SDK1: variants seen among roughly 807,000 people sequenced by gnomAD.
The protein encoded by SDK1 is protein sidekick-1.
A neutral mutation model predicts 245.5 loss-of-function variants in SDK1; 157 were observed. The observed-to-expected ratio is 0.64, with a 90% CI of 0.56 to 0.73. The LOEUF (loss-of-function observed/expected upper bound fraction) is 0.73. Among genes scored for constraint, SDK1 ranks in the 30% least tolerant of loss-of-function variants. The pLI, the probability that SDK1 is intolerant of heterozygous loss-of-function variation, is 0.00. For synonymous variants in SDK1, 1,647 were observed against 1,278.5 expected (o/e 1.29, Z -6.15); for missense variants, 3,583 against 3,002.3 (o/e 1.19, Z -4.52).
chr7:4,081,295 C>G (rs1247127933), intron 22 of SDK1, among the ~76,000 whole-genome samples: 1 of 152,230 alleles, frequency 6.6e-6, no homozygotes, highest in Non-Finnish European at 1.5e-5. Flanking sequence ...CCCTGTGTCA[C>G]TGCAGGAGAG....
chr7:4,124,118 C>T (rs746808102), intron 25 of SDK1, among the ~76,000 whole-genome samples: 4 of 152,240 alleles, frequency 2.6e-5, no homozygotes, highest in Non-Finnish European at 4.4e-5. Flanking sequence ...TCTAGGGAAA[C>T]ACCTGTTTGT....
intron 22 of SDK1, among the ~76,000 whole-genome samples, chr7:4,085,551 AT>A (rs891731868): frequency 9.9e-5 from 15 of 151,532 alleles, no homozygotes; most frequent in Non-Finnish European, 1.5e-4. Flanking sequence ...ATCATTTTAC[AT>A]TTTTTTTATT....
intron 4 of SDK1, among the ~76,000 whole-genome samples, chr7:3,787,817 A>C (rs1780953311): frequency 1.3e-5 from 2 of 152,134 alleles, no homozygotes; most frequent in Non-Finnish European, 2.9e-5. Context: ...TAGCTTTGTG[A>C]AGTCCTGCAT....
chr7:3,893,708 A>G (rs1023328764), intron 5 of SDK1, among the ~76,000 whole-genome samples: 3 of 150,810 alleles, frequency 2.0e-5, no homozygotes, highest in African/African-American at 7.3e-5. Flanking sequence ...GGCATTCTAG[A>G]TGTCTCCACA....
chr7:3,912,455 A>G (rs968933057), intron 5 of SDK1, among the ~76,000 whole-genome samples: 2 of 152,234 alleles, frequency 1.3e-5, no homozygotes, highest in African/African-American at 2.4e-5. Flanking sequence ...AGTGTGGTTC[A>G]AGAAACATTG....
intron 1 of SDK1, among the ~76,000 whole-genome samples, chr7:3,430,943 C>T (rs934848289): frequency 1.3e-5 from 2 of 152,198 alleles, no homozygotes; most frequent in Non-Finnish European, 2.9e-5. Flanking sequence ...CTCTGTTGCT[C>T]AGGATGGAGT....
intron 13 of SDK1, among the ~76,000 whole-genome samples, chr7:3,986,849 G>A (rs1228128755): frequency 6.6e-6 from 1 of 152,210 alleles, no homozygotes; most frequent in Non-Finnish European, 1.5e-5. Context: ...GACAGAGCGA[G>A]ACTTGGTCTT....
At chr7:3,423,918 ATTT>A (rs762630504) in intron 1 of SDK1, among the ~76,000 whole-genome samples, 1 of 145,084 alleles carries the variant, frequency 6.9e-6, no homozygotes. Flanking sequence ...AACACATACT[ATTT>A]TTTTTTTTTT....
intron 1 of SDK1, among the ~76,000 whole-genome samples, chr7:3,329,608 AT>A (rs1780019082): frequency 6.6e-6 from 1 of 152,180 alleles, no homozygotes; most frequent in Admixed American, 6.5e-5. Context: ...GACATTTCAT[AT>A]AAGTAGAATC....
chr7:4,071,428 G>T (rs377447524), intron 20 of SDK1, among the ~76,000 whole-genome samples: 4 of 152,144 alleles, frequency 2.6e-5, no homozygotes, highest in South Asian at 2.1e-4. Flanking sequence ...CTCCAGGAAT[G>T]GGGGGAAGTC....
intron 1 of SDK1, among the ~76,000 whole-genome samples, chr7:3,381,954 T>C (rs1359353418): frequency 6.6e-6 from 1 of 152,168 alleles, no homozygotes; most frequent in Non-Finnish European, 1.5e-5. Flanking sequence ...AGCATAAATA[T>C]GCACAAAAGC....
At chr7:3,796,664 C>T (rs932217186) in intron 4 of SDK1, among the ~76,000 whole-genome samples, 2 of 152,154 alleles carry the variant, frequency 1.3e-5, no homozygotes, top group Non-Finnish European at 2.9e-5. Flanking sequence ...CTTTGGCTGC[C>T]CCCAGGTTTG....
At chr7:3,627,580 G>T (rs865839521) in intron 2 of SDK1, among the ~76,000 whole-genome samples, 1 of 152,152 alleles carries the variant, frequency 6.6e-6, no homozygotes, top group African/African-American at 2.4e-5. Context: ...GAATTGTGTC[G>T]CACTGAGGGC....
At position 4,241,865 on chromosome 7, in the gene SDK1, G is replaced by A; in HGVS notation, c.6203G>A (p.Ser2068Asn). 1 of 1,614,116 alleles carries A rather than the reference G, an allele frequency of 6.2e-7. No individual in the cohort carries two copies. Among genetic ancestry groups the A allele is most frequent in the Non-Finnish European group, 8.5e-7 (1 of 1,180,036 alleles). Residue 2068 changes from serine to asparagine, a missense_variant, in exon 43 of 45, where the codon AGC (serine) becomes AAC (asparagine). Transcript: ENST00000404826. Reference protein sequence around the residue: ...NGGFAALELSSRHLNVKSTFS... With the variant: ...NGGFAALELSNRHLNVKSTFS... ...GGATTTGCTGCCCTGGAGCTCAGCA[G>A]CCGCCACCTCAATGTCAAGAGCACC...
intron 27 of SDK1, 122 bp from the exon 28 acceptor site, chr7:4,132,203 C>T: frequency 1.3e-6 from 1 of 744,538 alleles, no homozygotes; most frequent in Non-Finnish European, 2.3e-6. Context: ...GGGTTCTAAA[C>T]CCACGACAGT....
chr7:3,471,114 A>T (rs546081880), intron 1 of SDK1, among the ~76,000 whole-genome samples: 1 of 152,132 alleles, frequency 6.6e-6, no homozygotes, highest in East Asian at 1.9e-4. Context: ...ATTTGGTAAC[A>T]TTTTGATGTC....
chr7:3,482,134 A>G (rs1781540750), intron 1 of SDK1, among the ~76,000 whole-genome samples: 1 of 152,260 alleles, frequency 6.6e-6, no homozygotes, highest in Non-Finnish European at 1.5e-5. Flanking sequence ...ATAGGGTAAT[A>G]CTGGTGTGTA....
At chr7:3,642,481 G>T (rs1465653095) in intron 4 of SDK1, among the ~76,000 whole-genome samples, 1 of 151,978 alleles carries the variant, frequency 6.6e-6, no homozygotes, top group Non-Finnish European at 1.5e-5. Context: ...AGTGCTGTGG[G>T]GTTTTTTTTC....
intron 35 of SDK1, among the ~76,000 whole-genome samples, chr7:4,189,997 A>G (rs1783100072): frequency 6.6e-6 from 1 of 152,202 alleles, no homozygotes; most frequent in Admixed American, 6.5e-5. Flanking sequence ...GAGAGAAAAA[A>G]AAAAGCACAG....
Sources: gnomAD v4.1 joint callset for allele counts (sites outside exome capture counted in the v4.1 genomes callset) on GRCh38, gnomAD v4.1.1 for gene constraint, MANE v1.5 for transcripts, NCBI Gene and HGNC (gene_info 2026-07-23, HGNC 2026-07-21) for gene names.